The following ADSS2 variants were observed in gnomAD, a reference collection of about 807,000 sequenced individuals.
ADSS2 encodes the protein adenylosuccinate synthase 2.
ADSS2 carries 30 observed loss-of-function variants against 60.0 expected under a neutral mutation model. The ratio of observed to expected loss-of-function variants is 0.50; its 90% CI spans 0.37 to 0.68. ADSS2 has a LOEUF of 0.68. ADSS2 is among the 30% of genes least tolerant of loss of function. The pLI is 0.00. For missense variants in ADSS2, 373 were observed against 554.8 expected (o/e 0.67, Z 3.29); for synonymous variants, 187 against 193.1 (o/e 0.97, Z 0.26).
intron 1 of ADSS2, among the ~76,000 whole-genome samples, chr1:244,440,173 A>T (rs2148010999): frequency 6.6e-6 from 1 of 152,224 alleles, no homozygotes; most frequent in East Asian, 1.9e-4. Context: ...ATAGTTATTA[A>T]ATCTGGTGTT....
intron 12 of ADSS2, 66 bp downstream of exon 12, chr1:244,411,218 CAAA>C (rs367805844): frequency 1.0e-4 from 118 of 1,154,308 alleles, no homozygotes; most frequent in East Asian, 1.1e-4. Flanking sequence ...GACTCCGTCT[CAAA>C]AAAAAAAAAA....
chr1:244,429,696 A>T (rs555245316), intron 4 of ADSS2, among the ~76,000 whole-genome samples: 1 of 152,238 alleles, frequency 6.6e-6, no homozygotes, highest in East Asian at 1.9e-4. Flanking sequence ...CCTGGCCAAC[A>T]TGGTAAAACC....
intron 1 of ADSS2, among the ~76,000 whole-genome samples, chr1:244,443,855 G>A (rs992328977): frequency 2.0e-5 from 3 of 152,182 alleles, no homozygotes; most frequent in Non-Finnish European, 4.4e-5. Flanking sequence ...CGGCTCTCCA[G>A]CCACGTGCTG....
intron 1 of ADSS2, among the ~76,000 whole-genome samples, chr1:244,447,128 T>C (rs1215966543): frequency 1.3e-5 from 2 of 152,214 alleles, no homozygotes; most frequent in African/African-American, 4.8e-5. Context: ...TGAATGTTGA[T>C]GTTTCTGTTG....
chr1:244,443,987 A>G (rs866746820), intron 1 of ADSS2, among the ~76,000 whole-genome samples: 1 of 152,182 alleles, frequency 6.6e-6, no homozygotes, highest in Non-Finnish European at 1.5e-5. Context: ...CCAACACCCC[A>G]AGAAACAAAA....
upstream of ADSS2, chr1:244,452,055 G>A (rs902781451): frequency 6.9e-5 from 25 of 361,864 alleles, no homozygotes; most frequent in African/African-American, 4.6e-4. Flanking sequence ...CCGCCCGCAG[G>A]AAGAGGCCCT....
intron 1 of ADSS2, among the ~76,000 whole-genome samples, chr1:244,444,514 CAAAAA>C (rs56001597): frequency 7.1e-5 from 3 of 42,526 alleles, no homozygotes; most frequent in Non-Finnish European, 9.7e-5. Context: ...GACTCCATCT[CAAAAA>C]AAAAAAAAAA....
intron 3 of ADSS2, 65 bp downstream of exon 3, chr1:244,436,760 G>C (rs1372645347): frequency 3.6e-5 from 49 of 1,375,916 alleles, no homozygotes; most frequent in Non-Finnish European, 5.0e-5. Flanking sequence ...TGTTCGTCTG[G>C]CATAAGATCC....
Position 244,436,898 on chromosome 1 carries a change from A to T in ADSS2, c.287-5T>A. ...GATGAATTACCACACCATTTCCTAA[A>T]GGAAAACCAACAAATCCCAACGGTA... On this transcript the variant is annotated splice_polypyrimidine_tract_variant and splice_region_variant and intron_variant, in intron 2 of 12. Transcript: ENST00000366535. 1 of 1,610,862 alleles carries T rather than the reference A, an allele frequency of 6.2e-7. No homozygotes were observed. Among genetic ancestry groups the T allele is most frequent in the Non-Finnish European group, 8.5e-7 (1 of 1,178,384 alleles).
intron 4 of ADSS2, chr1:244,424,951 A>T (rs973660308): frequency 2.6e-5 from 4 of 152,876 alleles, no homozygotes; most frequent in African/African-American, 9.7e-5. Context: ...GACAAAATTC[A>T]GTCTACACTT....
chr1:244,440,571 A>T (rs953928357), intron 1 of ADSS2, among the ~76,000 whole-genome samples: 4 of 152,106 alleles, frequency 2.6e-5, no homozygotes, highest in Non-Finnish European at 5.9e-5. Context: ...TTTACTATTT[A>T]TTTTTTTAAT....
chr1:244,431,392 C>T (rs189270386), intron 4 of ADSS2, among the ~76,000 whole-genome samples: 1 of 151,968 alleles, frequency 6.6e-6, no homozygotes, highest in Non-Finnish European at 1.5e-5. Flanking sequence ...GCATCTATGC[C>T]ATTAATAATT....
chr1:244,425,899 C>T (rs1348992288), intron 4 of ADSS2, among the ~76,000 whole-genome samples: 1 of 151,990 alleles, frequency 6.6e-6, no homozygotes, highest in African/African-American at 2.4e-5. Context: ...TACAAGAATG[C>T]TCAGGGTAAT....
At chr1:244,414,625 A>G (rs374215611) in intron 11 of ADSS2, among the ~76,000 whole-genome samples, 5 of 152,204 alleles carry the variant, frequency 3.3e-5, no homozygotes, top group South Asian at 2.1e-4. Flanking sequence ...CCTTCCTCTT[A>G]TAAGTTTCCC....
rs755350480 is a variant in ADSS2, at chr1:244,417,750, T to C, written c.948A>G (p.Glu316=). The part of the protein sequence containing the change: ...IGAFPTEQDN[E]IGELLQTRGR... ...CCCTTGTTTGTAATAATTCTCCAAT[T>C]TCCTACAGAACAGAAAATTGAACTT... Residue 316 remains glutamate (E), a splice_region_variant and synonymous_variant, in exon 10 of 13, where the codon GAA becomes GAG. Coordinates refer to ENST00000366535, the MANE Select transcript of ADSS2 (RefSeq NM_001126.5). 1.2e-6 allele frequency: 2 copies of C among 1,613,100 alleles called. No individual in the cohort carries two copies. The highest frequency in any genetic ancestry group is 1.7e-5 in the Admixed American group (1 of 59,996).
intron 11 of ADSS2, among the ~76,000 whole-genome samples, chr1:244,411,703 C>T (rs1664422377): frequency 6.6e-6 from 1 of 152,182 alleles, no homozygotes; most frequent in Non-Finnish European, 1.5e-5. Flanking sequence ...TAGTTCAAGA[C>T]TGGTTTTGCT....
intron 7 of ADSS2, among the ~76,000 whole-genome samples, chr1:244,420,681 T>A (rs1664653665): frequency 6.6e-6 from 1 of 152,332 alleles, no homozygotes; most frequent in East Asian, 1.9e-4. Flanking sequence ...GCATTTATAA[T>A]ATAATCCACA....
At chr1:244,438,933 T>C (rs1180951505) in intron 1 of ADSS2, among the ~76,000 whole-genome samples, 1 of 152,198 alleles carries the variant, frequency 6.6e-6, no homozygotes, top group East Asian at 1.9e-4. Context: ...TAAAAATGTA[T>C]AATTACTGTT....
chr1:244,417,957 T>C (rs1226081281), intron 9 of ADSS2, among the ~76,000 whole-genome samples: 1 of 151,846 alleles, frequency 6.6e-6, no homozygotes, highest in East Asian at 1.9e-4. Flanking sequence ...ATCATTTTTT[T>C]ATGTTAATAT....
Sources: gnomAD v4.1 joint callset for allele counts (sites outside exome capture counted in the v4.1 genomes callset) on GRCh38, gnomAD v4.1.1 for gene constraint, MANE v1.5 for transcripts, NCBI Gene and HGNC (gene_info 2026-07-23, HGNC 2026-07-21) for gene names.